The following PLD1 variants were observed in gnomAD, a reference collection of about 807,000 sequenced individuals.
The protein encoded by PLD1 is choline phosphatase 1.
Under a neutral mutation model 137.1 loss-of-function variants are expected in PLD1, and 112 were observed. The ratio of observed to expected loss-of-function variants is 0.82; its 90% CI spans 0.70 to 0.96. PLD1 has a LOEUF of 0.96. Ranked by LOEUF, PLD1 falls within the 40% of genes least tolerant of loss-of-function variation. The probability of loss-of-function intolerance (pLI) is 0.00; values close to 1 mark genes in which losing one functional copy is unlikely to be tolerated. For synonymous variants in PLD1, 431 were observed against 454.7 expected, an observed-to-expected ratio of 0.95 and a Z score of 0.66; for missense variants, 1,321 against 1,342.0, an observed-to-expected ratio of 0.98 and a Z score of 0.24.
At position 171,603,069 on chromosome 3, in the gene PLD1, G is replaced by A. The variant is rs749177494; in HGVS notation, c.*9C>T. On this transcript the variant is annotated 3_prime_UTR_variant, in exon 27 of 27. Transcript: ENST00000351298. ...GGGTGGAAGTCTTTGAGCTGCCAAT[G>A]AATATCTCTTAAGTCCAAACCTCCA... The A allele has an allele frequency of 1.3e-6, 2 of 1,597,548 alleles. No individual in the cohort carries two copies. Among genetic ancestry groups the A allele is most frequent in the South Asian group, 1.1e-5 (1 of 90,788 alleles).
At chr3:171,777,278 G>T (rs1457971617) in intron 1 of PLD1, among the ~76,000 whole-genome samples, 2 of 152,166 alleles carry the variant, frequency 1.3e-5, no homozygotes, top group Non-Finnish European at 2.9e-5. Context: ...GTTCAAAATT[G>T]GTTTCTATGT....
chr3:171,667,859 C>A (rs1712308732), intron 19 of PLD1, among the ~76,000 whole-genome samples: 1 of 152,218 alleles, frequency 6.6e-6, no homozygotes. Context: ...TCAAGCAATT[C>A]TCCTGCCTCA....
intron 21 of PLD1, among the ~76,000 whole-genome samples, chr3:171,652,277 G>A (rs1041007954): frequency 6.6e-6 from 1 of 152,082 alleles, no homozygotes; most frequent in African/African-American, 2.4e-5. Context: ...GCCAGGCGTG[G>A]TGGCAGGCAC....
intron 11 of PLD1, 120 bp downstream of exon 11, chr3:171,708,635 C>A: frequency 1.7e-6 from 1 of 596,504 alleles, no homozygotes; most frequent in Non-Finnish European, 3.0e-6. Flanking sequence ...GAGACCCTGG[C>A]CAAACCATCC....
chr3:171,628,342 G>C (rs1169677861), intron 23 of PLD1, among the ~76,000 whole-genome samples: 3 of 152,196 alleles, frequency 2.0e-5, no homozygotes, highest in East Asian at 1.9e-4. Flanking sequence ...AGACCAATAA[G>C]AGGCTCTGAA....
chr3:171,649,477 A>C (rs1002686145), intron 21 of PLD1, among the ~76,000 whole-genome samples: 3 of 152,200 alleles, frequency 2.0e-5, no homozygotes, highest in Non-Finnish European at 4.4e-5. Context: ...TGCCTCCTTG[A>C]TCCAATCCAC....
chr3:171,739,466 G>C (rs1321511438), intron 1 of PLD1, among the ~76,000 whole-genome samples: 5 of 152,122 alleles, frequency 3.3e-5, no homozygotes, highest in Admixed American at 2.6e-4. Flanking sequence ...CTTTCTCTAT[G>C]TTGCCTGTAA....
In PLD1 at chr3:171,612,367, G is replaced by A; in HGVS notation, c.2794C>T (p.Gln932Ter). ...KRDSEMAVIVQDTETVPSVMD... is the reference protein window; with the variant it reads ...KRDSEMAVIV ...ACTGAAGGAACAGTCTCTGTATCTT[G>A]CACAATGACAGCCATTTCACTGTCA... is the stretch of plus-strand genomic sequence containing the variant. Residue 932 changes from glutamine (Q) to a stop codon, truncating the protein, a stop_gained, in exon 25 of 27, where the codon CAA becomes TAA. Transcript: ENST00000351298. LOFTEE classifies it high-confidence loss of function. This position sits in a 1 kb window ranked among gnomAD's most constrained non-coding sequence, Gnocchi z 4.1. 1 of 1,613,920 alleles carries A rather than the reference G, an allele frequency of 6.2e-7. No homozygotes were observed. Among genetic ancestry groups the A allele is most frequent in the Non-Finnish European group, 8.5e-7 (1 of 1,179,794 alleles).
At chr3:171,800,295 G>A (rs1416576451) in intron 1 of PLD1, among the ~76,000 whole-genome samples, 2 of 151,832 alleles carry the variant, frequency 1.3e-5, no homozygotes, top group East Asian at 3.9e-4. Context: ...TGCAACCTCC[G>A]TCTCCCTGGT....
Position 171,662,062 on chromosome 3 carries a change from C to T in PLD1, c.2338G>A (p.Glu780Lys), listed in dbSNP as rs747369339. ...IENSRHYIYI[E>K]NQFFISCADD... The stretch of plus-strand genomic sequence containing the variant: ...GAATTTACATGAGCAAGACTTACTT[C>T]GATATAGATATAGTGCCTGCTGTTC... Residue 780 changes from glutamate to lysine, a missense_variant and splice_region_variant, in exon 20 of 27, where the codon GAA (glutamate) becomes AAA (lysine). Transcript: ENST00000351298. The T allele has an allele frequency of 1.5e-5, 23 of 1,564,234 alleles. No individual in the cohort carries two copies. In the South Asian group the frequency reaches 1.9e-4, roughly 13 times the overall value.
At chr3:171,808,415 T>A (rs1474976804) in intron 1 of PLD1, among the ~76,000 whole-genome samples, 1 of 151,954 alleles carries the variant, frequency 6.6e-6, no homozygotes, top group Non-Finnish European at 1.5e-5. Context: ...AGGCGCCTGT[T>A]TTCCCAGCTA....
chr3:171,665,132 C>T (rs765855741), intron 19 of PLD1, among the ~76,000 whole-genome samples: 7 of 152,154 alleles, frequency 4.6e-5, no homozygotes, highest in Non-Finnish European at 8.8e-5. Context: ...TAAATTCATT[C>T]ACATAAGATA....
intron 1 of PLD1, among the ~76,000 whole-genome samples, chr3:171,752,160 T>C (rs1419147930): frequency 6.6e-6 from 1 of 152,154 alleles, no homozygotes; most frequent in Admixed American, 6.5e-5. Context: ...AATACAAAGT[T>C]TGGTGGGAAA....
At chr3:171,720,197 G>T (rs749313713) in intron 8 of PLD1, among the ~76,000 whole-genome samples, 2 of 151,376 alleles carry the variant, frequency 1.3e-5, no homozygotes, top group Non-Finnish European at 2.9e-5. Context: ...AGGGGGCTGA[G>T]GTGGGAGGAT....
At chr3:171,769,842 G>C (rs13083025) in intron 1 of PLD1, among the ~76,000 whole-genome samples, 65,108 of 151,830 alleles carry the variant, frequency 0.43, 14,295 homozygotes, top group Middle Eastern at 0.65. Flanking sequence ...ACTGTATTTC[G>C]CAGTGGGGAA....
intron 25 of PLD1, among the ~76,000 whole-genome samples, chr3:171,605,705 G>T (rs528728869): frequency 6.6e-6 from 1 of 152,176 alleles, no homozygotes; most frequent in African/African-American, 2.4e-5. Context: ...CTTAGAGAAG[G>T]CTTTAGGATT....
At chr3:171,807,590 AC>A (rs1392727071) in intron 1 of PLD1, among the ~76,000 whole-genome samples, 1 of 152,232 alleles carries the variant, frequency 6.6e-6, no homozygotes, top group African/African-American at 2.4e-5. Flanking sequence ...TTTTAAAAAA[AC>A]ATCCTGTAAG....
chr3:171,609,887 CCTT>C (rs1732518601), intron 25 of PLD1, among the ~76,000 whole-genome samples: 1 of 152,028 alleles, frequency 6.6e-6, no homozygotes, highest in African/African-American at 2.4e-5. Flanking sequence ...TACCTGTACT[CCTT>C]AATTGTATAA....
intron 23 of PLD1, among the ~76,000 whole-genome samples, chr3:171,639,856 A>ATC (rs1735589956): frequency 7.1e-6 from 1 of 141,214 alleles, no homozygotes; most frequent in Non-Finnish European, 1.5e-5. Flanking sequence ...CTCTATATAT[A>ATC]TATATATATC....
Sources: gnomAD v4.1 joint callset for allele counts (sites outside exome capture counted in the v4.1 genomes callset) on GRCh38, gnomAD v4.1.1 for gene constraint, Gnocchi (gnomAD v3.1) non-coding constraint, MANE v1.5 for transcripts, NCBI Gene and HGNC (gene_info 2026-07-23, HGNC 2026-07-21) for gene names.